Variants in FOXP1 observed in about 807,000 individuals in gnomAD.
The protein encoded by FOXP1 is forkhead box P1, also known as forkhead box protein P1.
A neutral mutation model predicts 98.2 loss-of-function variants in FOXP1; 15 were observed. The ratio of observed to expected loss-of-function variants is 0.15; its 90% CI spans 0.10 to 0.24. The LOEUF (loss-of-function observed/expected upper bound fraction) is 0.24, where lower values mean the gene tolerates loss of function less well. Ranked by LOEUF, FOXP1 falls within the 10% of genes least tolerant of loss-of-function variation. The pLI, the probability that FOXP1 is intolerant of heterozygous loss-of-function variation, is 1.00. For synonymous variants in FOXP1, 371 were observed against 314.5 expected, an observed-to-expected ratio of 1.18 and a Z score of -1.90; for missense variants, 633 against 848.5, an observed-to-expected ratio of 0.75 and a Z score of 3.15.
At chr3:70,968,367 T>G (rs1223069209) in intron 19 of FOXP1, 2 of 147,042 alleles carry the variant, frequency 1.4e-5, no homozygotes, top group Non-Finnish European at 3.0e-5. Context: ...CAAAGTGTTT[T>G]TTTTTTTTTT....
intron 4 of FOXP1, among the ~76,000 whole-genome samples, chr3:71,329,457 T>A (rs57123819): frequency 1.2e-5 from 1 of 86,030 alleles, no homozygotes; most frequent in Non-Finnish European, 3.1e-5. Flanking sequence ...TCCTACCTCG[T>A]GATCACCCGT....
intron 9 of FOXP1, among the ~76,000 whole-genome samples, chr3:71,051,366 G>T (rs981208716): frequency 6.6e-6 from 1 of 152,110 alleles, no homozygotes; most frequent in Non-Finnish European, 1.5e-5. Flanking sequence ...TGCTCAACAG[G>T]ACTCCAGGGT....
At chr3:71,051,225 T>G (rs1227254965) in intron 9 of FOXP1, among the ~76,000 whole-genome samples, 1 of 152,188 alleles carries the variant, frequency 6.6e-6, no homozygotes, top group African/African-American at 2.4e-5. Context: ...CTTTTTAATC[T>G]GTTCCCTTTT....
intron 3 of FOXP1, among the ~76,000 whole-genome samples, chr3:71,373,333 AAC>A (rs1412762519): frequency 6.6e-6 from 1 of 152,216 alleles, no homozygotes; most frequent in Non-Finnish European, 1.5e-5. Context: ...ACAAAAAAAA[AAC>A]ATGTTAAAGT....
intron 7 of FOXP1, among the ~76,000 whole-genome samples, chr3:71,101,306 G>T (rs951800225): frequency 6.6e-6 from 1 of 152,170 alleles, no homozygotes; most frequent in Admixed American, 6.5e-5. Context: ...GCACTTAGGA[G>T]CAGTACAACA....
chr3:71,357,589 T>G (rs1417747809), intron 4 of FOXP1, among the ~76,000 whole-genome samples: 1 of 152,210 alleles, frequency 6.6e-6, no homozygotes, highest in Non-Finnish European at 1.5e-5. Flanking sequence ...AGTCTAAGGA[T>G]GCATTTCCCA....
At position 71,066,110 on chromosome 3, in the gene FOXP1, AAG is replaced by A. The variant is rs1491150271; in HGVS notation, c.283-12339_283-12338del. The stretch of plus-strand genomic sequence containing the variant: ...TGCCTTCAAAAAAAAAAAAAAAAAA[AAG>A]GCAACAAAATCTGACCCAGTAATCC... On this transcript the variant is annotated intron_variant, in intron 7 of 20. Coordinates refer to ENST00000649528, the MANE Select transcript of FOXP1 (RefSeq NM_001349338.3). 1.8e-3 allele frequency among the ~76,000 whole-genome samples: 266 copies of A among 151,518 alleles called. 1 individual carries two copies. Among genetic ancestry groups the A allele is most frequent in the Non-Finnish European group, 3.1e-3 (208 of 67,794 alleles).
At chr3:71,130,709 G>C in intron 6 of FOXP1, 1 of 1,539,178 alleles carries the variant, frequency 6.5e-7, no homozygotes, top group Non-Finnish European at 8.7e-7. Flanking sequence ...ACCTCAGGGA[G>C]GTTTGCCTCC....
At chr3:71,527,325 G>A (rs1407996350) in intron 2 of FOXP1, among the ~76,000 whole-genome samples, 3 of 152,198 alleles carry the variant, frequency 2.0e-5, no homozygotes, top group Non-Finnish European at 4.4e-5. Context: ...AGATCAAGGA[G>A]TTCAAAATCA....
At chr3:70,990,744 A>G (rs6794619) in intron 13 of FOXP1, among the ~76,000 whole-genome samples, 27,604 of 152,164 alleles carry the variant, frequency 0.18, 3,204 homozygotes, top group East Asian at 0.56. Flanking sequence ...ACAACGGCCT[A>G]AACATTAGAG....
intron 6 of FOXP1, among the ~76,000 whole-genome samples, chr3:71,164,276 T>C (rs2061295016): frequency 6.6e-6 from 1 of 152,146 alleles, no homozygotes; most frequent in African/African-American, 2.4e-5. Context: ...CTCGGCTCAC[T>C]GCAAGCTCCG....
chr3:71,287,545 T>A (rs1238964055), intron 5 of FOXP1, among the ~76,000 whole-genome samples: 1 of 151,788 alleles, frequency 6.6e-6, no homozygotes, highest in East Asian at 1.9e-4. Context: ...TTTGGGAGGC[T>A]GAGAGGGGCA....
intron 4 of FOXP1, among the ~76,000 whole-genome samples, chr3:71,323,806 T>C (rs2075530977): frequency 6.6e-6 from 1 of 152,218 alleles, no homozygotes; most frequent in Admixed American, 6.5e-5. Flanking sequence ...TTAAACATTT[T>C]GTTCTATTTC....
At position 70,955,490 on chromosome 3, in the gene FOXP1, C is replaced by T. The variant is rs1363070268; in HGVS notation, c.*3757G>A. 2.2e-5 allele frequency: 5 copies of T among 232,452 alleles called. No homozygotes were observed. The highest frequency in any genetic ancestry group is 1.8e-4 in the South Asian group (1 of 5,508). The allele number at this position is 232,452 out of a possible 1,614,324, so 14.4% of individuals were successfully genotyped here. On this transcript the variant is annotated 3_prime_UTR_variant, in exon 21 of 21. Transcript: ENST00000649528. ...CCTGACAGTGCATTTGTCTGACACA[C>T]GGGACTACCTCCCTAATGTATGCTT... is the stretch of plus-strand genomic sequence containing the variant.
intron 18 of FOXP1, 42 bp from the exon 19 acceptor site, chr3:70,970,847 G>C (rs1015921533): frequency 1.4e-6 from 2 of 1,455,310 alleles, no homozygotes; most frequent in Non-Finnish European, 1.9e-6. Context: ...AAACACAGTC[G>C]ACTGCTGAGT....
intron 5 of FOXP1, among the ~76,000 whole-genome samples, chr3:71,297,541 A>C (rs1386248849): frequency 6.7e-6 from 1 of 150,298 alleles, no homozygotes; most frequent in East Asian, 1.9e-4. Context: ...TGAAGGTTAT[A>C]TTTGGAGCTG....
At chr3:71,357,366 T>C (rs1444484895) in intron 4 of FOXP1, among the ~76,000 whole-genome samples, 1 of 152,250 alleles carries the variant, frequency 6.6e-6, no homozygotes, top group African/African-American at 2.4e-5. Flanking sequence ...GAGCTGTATC[T>C]CTGCTGAGAA....
intron 3 of FOXP1, among the ~76,000 whole-genome samples, chr3:71,387,148 A>G (rs1278211407): frequency 2.0e-5 from 3 of 152,248 alleles, no homozygotes; most frequent in Non-Finnish European, 1.5e-5. Context: ...CATGACGGTA[A>G]CAAAATATCT....
chr3:71,358,164 T>C (rs1210400762), intron 4 of FOXP1, among the ~76,000 whole-genome samples: 1 of 152,222 alleles, frequency 6.6e-6, no homozygotes, highest in African/African-American at 2.4e-5. Context: ...TTAAGGCCTA[T>C]ATTAAAGGTG....
Sources: allele counts gnomAD v4.1 joint callset (sites outside exome capture counted in the v4.1 genomes callset), GRCh38; gene constraint gnomAD v4.1.1; transcripts MANE v1.5; gene names NCBI Gene and HGNC (gene_info 2026-07-23, HGNC 2026-07-21).